Variants in RAB17 observed in about 807,000 individuals in gnomAD.
The protein encoded by RAB17 is RAB17, member RAS oncogene family.
RAB17 carries 15 observed loss-of-function variants against 19.3 expected under a neutral mutation model. That is an observed-to-expected ratio of 0.78 (90% CI 0.52 to 1.20). RAB17 has a LOEUF of 1.20. RAB17 is among the 50% of genes most tolerant of loss of function. The pLI is 0.00. For synonymous variants in RAB17, 110 were observed against 112.8 expected, an observed-to-expected ratio of 0.97 and a Z score of 0.16; for missense variants, 262 against 269.3, an observed-to-expected ratio of 0.97 and a Z score of 0.19.
intron 1 of RAB17, among the ~76,000 whole-genome samples, chr2:237,587,272 T>C (rs2081357997): frequency 6.6e-6 from 1 of 152,228 alleles, no homozygotes; most frequent in Admixed American, 6.5e-5. Context: ...AATGTTCTAA[T>C]GTTATCACTT....
chr2:237,585,349 G>T (rs999016633), intron 2 of RAB17: 15 of 168,804 alleles, frequency 8.9e-5, no homozygotes, highest in African/African-American at 3.6e-4. Flanking sequence ...GGTGAAAACT[G>T]GGTTTCACTG....
At chr2:237,579,383 A>T (rs959820239) in intron 2 of RAB17, 4 of 152,328 alleles carry the variant, frequency 2.6e-5, no homozygotes, top group African/African-American at 7.2e-5. Flanking sequence ...AGAGGTCCAA[A>T]ACTGATGCGT....
At chr2:237,586,826 C>A (rs1384283329) in intron 1 of RAB17, among the ~76,000 whole-genome samples, 1 of 152,226 alleles carries the variant, frequency 6.6e-6, no homozygotes, top group Non-Finnish European at 1.5e-5. Flanking sequence ...CCTCCCGCTT[C>A]CCCAGTAATC....
intron 4 of RAB17, 83 bp downstream of exon 4, chr2:237,577,174 A>G: frequency 6.6e-7 from 1 of 1,517,780 alleles, no homozygotes; most frequent in Non-Finnish European, 8.9e-7. Context: ...CGTGTATGAA[A>G]GTGTGAGTGC....
rs1209126960 is a variant in RAB17 at position 237,574,783 on chromosome 2, T to C, written c.*236A>G. Reference sequence around the variant, plus strand: ...TGGAACAGGCACAGGCATCGGGGAATCAGATGGTATCAGTGGGGATAGGGC... The same window carrying C: ...TGGAACAGGCACAGGCATCGGGGAACCAGATGGTATCAGTGGGGATAGGGC... On this transcript the variant is annotated 3_prime_UTR_variant, in exon 6 of 6. Coordinates refer to ENST00000264601, the MANE Select transcript of RAB17 (RefSeq NM_022449.4). The C allele has an allele frequency of 4.8e-6, 5 of 1,044,846 alleles. No individual in the cohort carries two copies. Among genetic ancestry groups the C allele is most frequent in the Non-Finnish European group, 6.6e-6 (5 of 756,440 alleles). The allele number at this position is 1,044,846 out of a possible 1,614,324, so 64.7% of individuals were successfully genotyped here. A position where few individuals can be genotyped will look rare whatever the true frequency, so the allele number is the denominator to read the frequency against.
At chr2:237,581,931 G>T (rs2081311788) in intron 2 of RAB17, among the ~76,000 whole-genome samples, 1 of 152,284 alleles carries the variant, frequency 6.6e-6, no homozygotes, top group Non-Finnish European at 1.5e-5. Flanking sequence ...AAAGTCAGCA[G>T]CGCACAGAAT....
chr2:237,581,167 T>G (rs1402229050), intron 2 of RAB17, among the ~76,000 whole-genome samples: 1 of 152,164 alleles, frequency 6.6e-6, no homozygotes, highest in African/African-American at 2.4e-5. Flanking sequence ...GGAGGGAAGA[T>G]CAATCTAGCT....
At chr2:237,576,113 G>A (rs1013198313) in intron 4 of RAB17, among the ~76,000 whole-genome samples, 15 of 152,180 alleles carry the variant, frequency 9.9e-5, no homozygotes, top group Admixed American at 3.9e-4. Context: ...GATCCCAGAG[G>A]GCACAGCTCA....
intron 2 of RAB17, among the ~76,000 whole-genome samples, chr2:237,579,827 C>A (rs2081295356): frequency 6.6e-6 from 1 of 152,070 alleles, no homozygotes; most frequent in Non-Finnish European, 1.5e-5. Context: ...ACAACCTCTT[C>A]CTAAACGGAA....
At position 237,578,205 on chromosome 2, in the gene RAB17, T is replaced by A. The variant is rs535432874; in HGVS notation, c.158-50A>T. ...TTACTCAGAGGACGAGGTTGCCACA[T>A]GCGGCTCAGGTGGGACCACGGCAAG... is the stretch of plus-strand genomic sequence containing the variant. On this transcript the variant is annotated intron_variant, in intron 2 of 5. Transcript: ENST00000264601. The A allele has an allele frequency of 2.5e-5, 39 of 1,561,038 alleles. No individual in the cohort carries two copies. In the African/African-American group the frequency reaches 4.5e-4, roughly 18 times the overall value.
chr2:237,576,431 C>CT (rs2081263559), intron 4 of RAB17, among the ~76,000 whole-genome samples: 2 of 152,172 alleles, frequency 1.3e-5, no homozygotes, highest in South Asian at 4.1e-4. Flanking sequence ...AGGATCCTCT[C>CT]TCCCCCACCC....
At chr2:237,575,155 G>A (rs768309703) in intron 5 of RAB17, 27 bp from the exon 6 acceptor site, 6 of 1,588,164 alleles carry the variant, frequency 3.8e-6, no homozygotes, top group African/African-American at 1.4e-5. Context: ...GAGGGGGCTG[G>A]CTAGGGAGGG....
chr2:237,585,954 T>A (rs2081346530), intron 2 of RAB17, 44 bp downstream of exon 2: 1 of 1,545,966 alleles, frequency 6.5e-7, no homozygotes, highest in Admixed American at 1.9e-5. Flanking sequence ...CAGCCCAGAC[T>A]TCTGCACTGA....
intron 2 of RAB17, chr2:237,578,438 A>G (rs2081283526): frequency 1.0e-5 from 3 of 296,196 alleles, no homozygotes; most frequent in Non-Finnish European, 1.9e-5. Flanking sequence ...TCTGGGCTAC[A>G]TATGCCGTGA....
rs775572933 is a variant in RAB17, at chr2:237,586,084, A to G, written c.71T>C (p.Leu24Pro). 1 of 1,613,740 alleles carries G rather than the reference A, an allele frequency of 6.2e-7. No homozygotes were observed. Among genetic ancestry groups the G allele is most frequent in the East Asian group, 2.2e-5 (1 of 44,864 alleles). Residue 24 changes from leucine (L) to proline (P), a missense_variant, in exon 2 of 6, where the codon CTC becomes CCC. Physicochemically the swap from Leu to Pro is moderately conservative, Grantham distance 98. Transcript: ENST00000264601. ...PSQPRVFKLV[L>P]LGSGSVGKSS... is the part of the protein sequence containing the mutation. ...CTTACCCACGGAGCCACTTCCCAGG[A>G]GAACCAGCTTGAACACACGGGGCTG...
intron 1 of RAB17, among the ~76,000 whole-genome samples, chr2:237,588,251 C>T (rs115278608): frequency 0.26 from 39,852 of 152,044 alleles, 6,889 homozygotes; most frequent in African/African-American, 0.5. Flanking sequence ...ATCCACAAGC[C>T]TGCGTGTTCT....
intron 3 of RAB17, 25 bp from the exon 4 acceptor site, chr2:237,577,407 A>G: frequency 6.3e-7 from 1 of 1,587,864 alleles, no homozygotes; most frequent in Non-Finnish European, 8.6e-7. Context: ...AAAAAGTAAC[A>G]TCAAACAAAA....
rs150619284 is a variant in RAB17, at chr2:237,589,576, A to C, written c.-4+891T>G. Among the ~76,000 whole-genome samples the C allele has an allele frequency of 2.3e-3, 350 of 151,274 alleles. 2 individuals are homozygous for C. The highest frequency in any genetic ancestry group is 8.1e-3 in the African/African-American group (327 of 40,620). The stretch of plus-strand genomic sequence containing the variant: ...ACTGCAGTAAACATTTTCTTATATA[A>C]CTTTTTGTGTGATTGAGTGTTGTAA... On this transcript the variant is annotated intron_variant, in intron 1 of 5. Coordinates refer to ENST00000264601, the MANE Select transcript of RAB17 (RefSeq NM_022449.4).
At position 237,587,143 on chromosome 2, in the gene RAB17, GC is replaced by G. The variant is rs146856443; in HGVS notation, c.-3-987del. 1.3e-3 allele frequency among the ~76,000 whole-genome samples: 196 copies of G among 152,338 alleles called. 1 individual carries two copies. The highest frequency in any genetic ancestry group is 4.6e-3 in the African/African-American group (190 of 41,568). ...GCAAGATTGCCATGAGAGTGTGCGT[GC>G]ACTTCCCACAGAAGGCAAATAATGT... On this transcript the variant is annotated intron_variant, in intron 1 of 5. Coordinates refer to ENST00000264601, the MANE Select transcript of RAB17 (RefSeq NM_022449.4).
Sources: gnomAD v4.1 joint callset for allele counts (sites outside exome capture counted in the v4.1 genomes callset) on GRCh38, gnomAD v4.1.1 for gene constraint, MANE v1.5 for transcripts, NCBI Gene and HGNC (gene_info 2026-07-23, HGNC 2026-07-21) for gene names.